The following ZSCAN18 variants were observed in gnomAD, a reference collection of about 807,000 sequenced individuals.
The protein encoded by ZSCAN18 is zinc finger and SCAN domain containing 18.
ZSCAN18 carries 16 observed loss-of-function variants against 31.1 expected under a neutral mutation model. The ratio of observed to expected loss-of-function variants is 0.51; its 90% CI spans 0.35 to 0.78. ZSCAN18 has a LOEUF of 0.78. ZSCAN18 is among the 30% of genes least tolerant of loss of function. ZSCAN18 has a pLI of 0.01. For synonymous variants in ZSCAN18, 375 were observed against 320.7 expected, an observed-to-expected ratio of 1.17 and a Z score of -1.81; for missense variants, 731 against 697.4, an observed-to-expected ratio of 1.05 and a Z score of -0.54.
At position 58,090,310 on chromosome 19, in the gene ZSCAN18, A is replaced by G; in HGVS notation, c.-43T>C. 6.2e-7 allele frequency: 1 copy of G among 1,613,156 alleles called. No individual in the cohort carries two copies. The highest frequency in any genetic ancestry group is 2.2e-5 in the East Asian group (1 of 44,860). On this transcript the variant is annotated 5_prime_UTR_variant, in exon 2 of 7. Coordinates refer to ENST00000601144, the MANE Select transcript of ZSCAN18 (RefSeq NM_001145543.2). The surrounding 1 kb of genome is among the most constrained non-coding windows in gnomAD (Gnocchi z 4.7). The stretch of plus-strand genomic sequence containing the variant: ...GGAAAATGTGACTGTCTAGCCAGGG[A>G]CAAGGTGGCTCCAAAGGAGAGGTGC...
At chr19:58,099,832 T>C (rs1306484242), upstream of ZSCAN18, among the ~76,000 whole-genome samples, 1 of 152,228 alleles carries the variant, frequency 6.6e-6, no homozygotes, top group Non-Finnish European at 1.5e-5. Context: ...TGCATTTCCC[T>C]TAATTGCTAA....
chr19:58,085,906 G>C (rs1266945700), intron 6 of ZSCAN18: 1 of 424,810 alleles, frequency 2.4e-6, no homozygotes, highest in Non-Finnish European at 4.2e-6. Context: ...GGGGCAGAAC[G>C]GCCACCCCCG....
At chr19:58,098,395 G>A (rs2074562879), upstream of ZSCAN18, 66 of 985,222 alleles carry the variant, frequency 6.7e-5, no homozygotes, top group Non-Finnish European at 7.8e-5. Context: ...CGCCCACTCC[G>A]GCGCCTGCGT....
chr19:58,090,410 A>G lies in ZSCAN18; in HGVS notation c.-119-24T>C, dbSNP rs767098312. Reference sequence around the variant, plus strand: ...ACCTGCAGAGGACACGGACAAGGCAATGGCCTTGCATAAGGCCAGGGCGCA... The same window carrying G: ...ACCTGCAGAGGACACGGACAAGGCAGTGGCCTTGCATAAGGCCAGGGCGCA... On this transcript the variant is annotated intron_variant, in intron 1 of 6. Coordinates refer to ENST00000601144, the MANE Select transcript of ZSCAN18 (RefSeq NM_001145543.2). The surrounding 1 kb of genome is among the most constrained non-coding windows in gnomAD (Gnocchi z 4.7). The G allele has an allele frequency of 2.7e-6, 4 of 1,489,470 alleles. No homozygotes were observed. The South Asian group carries it at 5.4e-5, about 20-fold the overall frequency. 92.3% of individuals were successfully genotyped at this position (1,489,470 alleles called of 1,614,324 possible). A position where few individuals can be genotyped will look rare whatever the true frequency, so the allele number is the denominator to read the frequency against.
At chr19:58,112,844 G>A (rs1025455735) in intron 1 of ZSCAN18, among the ~76,000 whole-genome samples, 1 of 147,482 alleles carries the variant, frequency 6.8e-6, no homozygotes, top group Non-Finnish European at 1.5e-5. Context: ...CCAGCTACTC[G>A]GGAGGCTGAA....
At chr19:58,117,967 G>A (rs1345314763) in intron 1 of ZSCAN18, among the ~76,000 whole-genome samples, 1 of 152,180 alleles carries the variant, frequency 6.6e-6, no homozygotes, top group Non-Finnish European at 1.5e-5. Flanking sequence ...GAGGGAGTAG[G>A]GGTCCGCGCC....
intron 1 of ZSCAN18, chr19:58,092,751 C>G: frequency 1.0e-6 from 1 of 980,586 alleles, no homozygotes; most frequent in Non-Finnish European, 1.2e-6. Context: ...GCCATCATCA[C>G]CACCACCACG....
intron 1 of ZSCAN18, among the ~76,000 whole-genome samples, chr19:58,117,563 A>G (rs1038647035): frequency 6.6e-6 from 1 of 152,046 alleles, no homozygotes; most frequent in Non-Finnish European, 1.5e-5. Flanking sequence ...AAAAGTGGGG[A>G]AAGCGTCCTT....
intron 1 of ZSCAN18, among the ~76,000 whole-genome samples, chr19:58,095,615 G>T (rs116448189): frequency 2.6e-5 from 4 of 152,168 alleles, no homozygotes; most frequent in Non-Finnish European, 1.5e-5. Context: ...TGGAGGCATC[G>T]GGGTCTAGGT....
rs1388418100 is a variant in ZSCAN18, at chr19:58,098,221, T to A, written c.-167A>T. ...CGGTCCCAGCCGCCCGGAGCCCCAG[T>A]GCGCGATGGCGGCCGGCAAACTGCG... is the stretch of plus-strand genomic sequence containing the variant. On this transcript the variant is annotated 5_prime_UTR_variant, in exon 1 of 7. Coordinates refer to ENST00000601144, the MANE Select transcript of ZSCAN18 (RefSeq NM_001145543.2). 1 of 985,456 alleles carries A rather than the reference T, an allele frequency of 1.0e-6. No individual in the cohort carries two copies. Among genetic ancestry groups the A allele is most frequent in the Non-Finnish European group, 1.2e-6 (1 of 829,982 alleles). 61.0% of individuals were successfully genotyped at this position (985,456 alleles called of 1,614,324 possible).
chr19:58,099,041 C>T (rs1327522078), upstream of ZSCAN18, among the ~76,000 whole-genome samples: 1 of 152,182 alleles, frequency 6.6e-6, no homozygotes, highest in Non-Finnish European at 1.5e-5. Context: ...CTTCCCATTT[C>T]AGTTTTCCAG....
At position 58,084,944 on chromosome 19, in the gene ZSCAN18, A is replaced by G. The variant is rs769293482; in HGVS notation, c.1274T>C (p.Leu425Pro). 6.3e-7 allele frequency: 1 copy of G among 1,597,834 alleles called. No homozygotes were observed. Among genetic ancestry groups the G allele is most frequent in the Middle Eastern group, 1.7e-4 (1 of 6,028 alleles). The change falls in exon 7 of 7, where the codon CTC becomes CCC. Residue 425 changes from leucine (L) to proline (P), a missense_variant. Physicochemically the swap from Leu to Pro is moderately conservative, Grantham distance 98. Coordinates refer to ENST00000601144, the MANE Select transcript of ZSCAN18 (RefSeq NM_001145543.2). This position sits in a 1 kb window ranked among gnomAD's most constrained non-coding sequence, Gnocchi z 4.5. ...GCTGTGGTGCTCCATCAGGTGCGAG[A>G]GCCACGCGAAGGCCTCCCCGCACTC... is the stretch of plus-strand genomic sequence containing the variant. ...CGECGEAFAW[L>P]SHLMEHHSSH...
In ZSCAN18 at chr19:58,118,266, C is replaced by T; in HGVS notation, c.130+1G>A. Reference sequence around the variant, plus strand: ...AGCCGCTCTGGAGTCCTTGACCCCACCCTCACTAGGCCTTGGCTCCGCGAC... The same window carrying T: ...AGCCGCTCTGGAGTCCTTGACCCCATCCTCACTAGGCCTTGGCTCCGCGAC... On this transcript the variant is annotated splice_donor_variant, in intron 1 of 1. Transcript: ENST00000595721. LOFTEE classifies it high-confidence loss of function. 3.5e-6 allele frequency: 5 copies of T among 1,440,724 alleles called. No homozygotes were observed. Among genetic ancestry groups the T allele is most frequent in the Non-Finnish European group, 4.6e-6 (5 of 1,076,034 alleles). The allele number at this position is 1,440,724 out of a possible 1,614,324, so 89.2% of individuals were successfully genotyped here. A position where few individuals can be genotyped will look rare whatever the true frequency, so the allele number is the denominator to read the frequency against.
upstream of ZSCAN18, chr19:58,098,494 A>G: frequency 1.7e-6 from 1 of 592,608 alleles, no homozygotes; most frequent in Non-Finnish European, 2.1e-6. Flanking sequence ...AGACGGTGAG[A>G]AACGGAGAAA....
intron 1 of ZSCAN18, among the ~76,000 whole-genome samples, chr19:58,094,283 C>T (rs1205274072): frequency 1.4e-4 from 21 of 151,486 alleles, no homozygotes; most frequent in African/African-American, 3.6e-4. Context: ...TGGTGGCAGG[C>T]GCCCGTAGTC....
intron 1 of ZSCAN18, among the ~76,000 whole-genome samples, chr19:58,105,788 T>C (rs1021766390): frequency 3.3e-5 from 5 of 152,134 alleles, no homozygotes; most frequent in African/African-American, 1.2e-4. Flanking sequence ...AAGACTAGCC[T>C]GGCCAACATG....
rs2554980 is a variant in ZSCAN18 at position 58,108,348 on chromosome 19, T to A, written c.130+9919A>T. The A allele has an allele frequency of 4.2e-4, 413 of 985,494 alleles. 2 individuals carry two copies. The South Asian group carries it at 0.013, about 31-fold the overall frequency. The allele number at this position is 985,494 out of a possible 1,614,324, so 61.0% of individuals were successfully genotyped here. On this transcript the variant is annotated intron_variant, in intron 1 of 1. Coordinates refer to the ZSCAN18 transcript ENST00000595721. ...TTCACATTCATTACATTCGAATAGTTTTTCCACAGTATGACTTCTGAAATG... is the reference window on the plus strand; with the variant it reads ...TTCACATTCATTACATTCGAATAGTATTTCCACAGTATGACTTCTGAAATG...
intron 1 of ZSCAN18, among the ~76,000 whole-genome samples, chr19:58,091,613 GAA>G (rs1377829533): frequency 1.3e-5 from 2 of 152,136 alleles, no homozygotes; most frequent in Non-Finnish European, 2.9e-5. Flanking sequence ...ACCCTCAGCT[GAA>G]TCCCCACATA....
chr19:58,086,852 C>T, intron 5 of ZSCAN18, 54 bp downstream of exon 5: 4 of 1,418,768 alleles, frequency 2.8e-6, no homozygotes, highest in Non-Finnish European at 3.9e-6. Flanking sequence ...CTGCACCAAC[C>T]CCTGCGGAAG....
Sources: allele counts gnomAD v4.1 joint callset (sites outside exome capture counted in the v4.1 genomes callset), GRCh38; gene constraint gnomAD v4.1.1; non-coding constraint Gnocchi (gnomAD v3.1); transcripts MANE v1.5; gene names NCBI Gene and HGNC (gene_info 2026-07-23, HGNC 2026-07-21).